Variants in PIEZO2 observed in about 807,000 individuals in gnomAD.
The protein encoded by PIEZO2 is piezo-type mechanosensitive ion channel component 2.
PIEZO2 carries 172 observed loss-of-function variants against 337.3 expected under a neutral mutation model. The ratio of observed to expected loss-of-function variants is 0.51; its 90% CI spans 0.45 to 0.58. The LOEUF (loss-of-function observed/expected upper bound fraction) is 0.58, where lower values mean the gene tolerates loss of function less well. Among genes scored for constraint, PIEZO2 ranks in the 20% least tolerant of loss-of-function variants. The pLI, the probability that PIEZO2 is intolerant of heterozygous loss-of-function variation, is 0.00. For synonymous variants in PIEZO2, 1,251 were observed against 1,228.5 expected (o/e 1.02, Z -0.38); for missense variants, 3,028 against 3,391.3 (o/e 0.89, Z 2.66).
At chr18:10,917,699 C>T (rs1411452067) in intron 3 of PIEZO2, among the ~76,000 whole-genome samples, 1 of 152,144 alleles carries the variant, frequency 6.6e-6, no homozygotes, top group East Asian at 1.9e-4. Context: ...TCAAAATAAT[C>T]AGCAGAAAAG....
rs139121515 is a variant in PIEZO2 at position 10,980,831 on chromosome 18, A to C, written c.161-1171T>G. Among the ~76,000 whole-genome samples, 67 of 152,348 alleles carry C rather than the reference A, an allele frequency of 4.4e-4. No homozygotes were observed. The East Asian group carries it at 5.0e-3, about 11-fold the overall frequency. The stretch of plus-strand genomic sequence containing the variant: ...GTAAATCACAGTTATTTAATCAAAT[A>C]CAAATCTAGGCACTGCTGTGAGTTT... On this transcript the variant is annotated intron_variant, in intron 2 of 55. Coordinates refer to ENST00000674853, the MANE Select transcript of PIEZO2 (RefSeq NM_001378183.1). The surrounding 1 kb of genome is among the most constrained non-coding windows in gnomAD (Gnocchi z 4.8).
intron 26 of PIEZO2, among the ~76,000 whole-genome samples, chr18:10,758,423 A>G (rs989167802): frequency 6.6e-6 from 1 of 152,138 alleles, no homozygotes; most frequent in African/African-American, 2.4e-5. Flanking sequence ...ACTAGTCTTC[A>G]TGAGTCTCTT....
In PIEZO2 at chr18:10,929,774, T is replaced by C. The variant is rs2145183920; in HGVS notation, c.287-18546A>G. Among the ~76,000 whole-genome samples, 1 of 152,210 alleles carries C rather than the reference T, an allele frequency of 6.6e-6. No individual in the cohort carries two copies. Among genetic ancestry groups the C allele is most frequent in the South Asian group, 2.1e-4 (1 of 4,818 alleles). On this transcript the variant is annotated intron_variant, in intron 3 of 55. Transcript: ENST00000674853. The surrounding 1 kb of genome is among the most constrained non-coding windows in gnomAD (Gnocchi z 5.6). ...CTTGGGTTTATAAAAGTAGGAGTGG[T>C]GGGAGATATGTTATTATTTCCTGAT...
intron 27 of PIEZO2, among the ~76,000 whole-genome samples, chr18:10,756,165 GAGA>G (rs1270238946): frequency 1.3e-5 from 2 of 148,634 alleles, no homozygotes; most frequent in South Asian, 2.2e-4. Context: ...AGAAATGGAA[GAGA>G]AGGAGGGATG....
At chr18:10,985,797 C>A (rs190975180) in intron 2 of PIEZO2, among the ~76,000 whole-genome samples, 1 of 151,644 alleles carries the variant, frequency 6.6e-6, no homozygotes, top group Non-Finnish European at 1.5e-5. Flanking sequence ...CAAAATAAGA[C>A]AGGAAGAGAG....
At position 10,979,586 on chromosome 18, in the gene PIEZO2, T is replaced by C. The variant is rs2034587941; in HGVS notation, c.235A>G (p.Ile79Val). 9 of 1,536,144 alleles carry C rather than the reference T, an allele frequency of 5.9e-6. No homozygotes were observed. Among genetic ancestry groups the C allele is most frequent in the Non-Finnish European group, 7.9e-6 (9 of 1,146,078 alleles). ...SFLLLHIIFH[I>V]TLVSLEAQHR... ...TGAGCTTCAAGGCTCACCAACGTGA[T>C]GTGGAAAATGATGTGCAGCAACAGG... The change falls in exon 3 of 56, where the codon ATC becomes GTC. Residue 79 changes from isoleucine (I) to valine (V), a missense_variant. Ile to Val is a conservative substitution (Grantham distance 29). Transcript: ENST00000674853. This position sits in a 1 kb window ranked among gnomAD's most constrained non-coding sequence, Gnocchi z 4.0.
At chr18:10,725,558 T>C (rs2144009692) in intron 36 of PIEZO2, 1 of 1,372,722 alleles carries the variant, frequency 7.3e-7, no homozygotes. Flanking sequence ...CCCCTTTTGT[T>C]TCTCCCCTGT....
intron 3 of PIEZO2, among the ~76,000 whole-genome samples, chr18:10,970,351 T>C (rs1469193574): frequency 6.6e-6 from 1 of 152,174 alleles, no homozygotes; most frequent in Non-Finnish European, 1.5e-5. Flanking sequence ...AGTACAGAAA[T>C]ACAGCTTTCC....
rs978445541 is a variant in PIEZO2, at chr18:10,677,503, C to T, written c.8081+244G>A. On this transcript the variant is annotated intron_variant, in intron 53 of 55. Coordinates refer to ENST00000674853, the MANE Select transcript of PIEZO2 (RefSeq NM_001378183.1). This position sits in a 1 kb window ranked among gnomAD's most constrained non-coding sequence, Gnocchi z 4.1. ...AACATGCTGGGATTACAGGCATGAG[C>T]CACCATGCCTGGCCCAAACCCTCAT... The T allele has an allele frequency of 1.0e-5, 4 of 381,996 alleles. No homozygotes were observed. Among genetic ancestry groups the T allele is most frequent in the Non-Finnish European group, 1.9e-5 (4 of 213,668 alleles). 23.7% of individuals were successfully genotyped at this position (381,996 alleles called of 1,614,324 possible).
chr18:10,675,908 G>T (rs117207439), intron 53 of PIEZO2, among the ~76,000 whole-genome samples: 19,538 of 152,206 alleles, frequency 0.13, 1,560 homozygotes, highest in Non-Finnish European at 0.18. Context: ...CGCCATGTAA[G>T]ATGTGCCTTT....
At position 10,856,662 on chromosome 18, in the gene PIEZO2, C is replaced by G. The variant is rs1440760765; in HGVS notation, c.703+339G>C. Among the ~76,000 whole-genome samples, 1 of 152,098 alleles carries G rather than the reference C, an allele frequency of 6.6e-6. No individual in the cohort carries two copies. On this transcript the variant is annotated intron_variant, in intron 6 of 55. Transcript: ENST00000674853. This position sits in a 1 kb window ranked among gnomAD's most constrained non-coding sequence, Gnocchi z 4.7. ...CAATATGGCTTGTGATGGGTGCATGCACATTGTTAATTGCAGCAGGTCACC... is the reference window on the plus strand; with the variant it reads ...CAATATGGCTTGTGATGGGTGCATGGACATTGTTAATTGCAGCAGGTCACC...
chr18:10,944,133 C>T (rs1201339905), intron 3 of PIEZO2, among the ~76,000 whole-genome samples: 1 of 151,662 alleles, frequency 6.6e-6, no homozygotes, highest in Non-Finnish European at 1.5e-5. Flanking sequence ...TTTTAAACAA[C>T]AAAAAATAAA....
intron 9 of PIEZO2, among the ~76,000 whole-genome samples, chr18:10,802,926 C>G (rs886637888): frequency 6.8e-6 from 1 of 147,916 alleles, no homozygotes; most frequent in Non-Finnish European, 1.5e-5. Flanking sequence ...GAGCCAAGAT[C>G]ACACCACTGC....
intron 47 of PIEZO2, among the ~76,000 whole-genome samples, chr18:10,693,585 A>G: frequency 6.6e-6 from 1 of 151,238 alleles, no homozygotes. Context: ...CTGGTCTGGT[A>G]TCTAACTCCT....
chr18:11,001,274 G>A lies in PIEZO2; in HGVS notation c.161-21614C>T, dbSNP rs1371104790. On this transcript the variant is annotated intron_variant, in intron 2 of 55. Coordinates refer to ENST00000674853, the MANE Select transcript of PIEZO2 (RefSeq NM_001378183.1). The surrounding 1 kb of genome is among the most constrained non-coding windows in gnomAD (Gnocchi z 5.3). The stretch of plus-strand genomic sequence containing the variant: ...TGGCTTATGGTGGATTTTTATGCAT[G>A]GGTCATCTGGCCACGATTTCCTCAG... Among the ~76,000 whole-genome samples, 1 of 152,074 alleles carries A rather than the reference G, an allele frequency of 6.6e-6. No individual in the cohort carries two copies. The highest frequency in any genetic ancestry group is 1.5e-5 in the Non-Finnish European group (1 of 68,010).
At chr18:10,770,000 T>C (rs1036652110) in intron 21 of PIEZO2, 148 bp downstream of exon 21, 1 of 813,298 alleles carries the variant, frequency 1.2e-6, no homozygotes, top group African/African-American at 1.8e-5. Flanking sequence ...GACCCTCGGA[T>C]TTCTGTAAGT....
At chr18:10,690,570 A>G (rs2034770429) in intron 48 of PIEZO2, among the ~76,000 whole-genome samples, 1 of 152,190 alleles carries the variant, frequency 6.6e-6, no homozygotes. Context: ...ACGACCCCAC[A>G]CACAGCGCTT....
At chr18:10,806,627 C>G (rs976178679) in intron 8 of PIEZO2, among the ~76,000 whole-genome samples, 4 of 151,904 alleles carry the variant, frequency 2.6e-5, no homozygotes, top group Admixed American at 6.6e-5. Flanking sequence ...AAACACCAGT[C>G]CTCTTGATAA....
At chr18:11,052,244 T>G (rs2037559896) in intron 2 of PIEZO2, among the ~76,000 whole-genome samples, 1 of 152,234 alleles carries the variant, frequency 6.6e-6, no homozygotes, top group Non-Finnish European at 1.5e-5. Flanking sequence ...CTCTCCAGAT[T>G]AATCTCTGAG....
Sources: allele counts gnomAD v4.1 joint callset (sites outside exome capture counted in the v4.1 genomes callset), GRCh38; gene constraint gnomAD v4.1.1; non-coding constraint Gnocchi (gnomAD v3.1); transcripts MANE v1.5; gene names NCBI Gene and HGNC (gene_info 2026-07-23, HGNC 2026-07-21).